ST6GAL1: variants seen among roughly 807,000 people sequenced by gnomAD.
ST6GAL1 encodes beta-galactoside alpha-2,6-sialyltransferase 1.
Under a neutral mutation model 38.0 loss-of-function variants are expected in ST6GAL1, and 20 were observed. The observed-to-expected ratio is 0.53, with a 90% CI of 0.37 to 0.77. The LOEUF (loss-of-function observed/expected upper bound fraction) is 0.77, where lower values mean the gene tolerates loss of function less well. Among genes scored for constraint, ST6GAL1 ranks in the 30% least tolerant of loss-of-function variants. The pLI is 0.00. For missense variants in ST6GAL1, 432 were observed against 496.4 expected (o/e 0.87, Z 1.23); for synonymous variants, 196 against 188.2 (o/e 1.04, Z -0.34).
intron 2 of ST6GAL1, among the ~76,000 whole-genome samples, chr3:187,019,909 T>C (rs1002397766): frequency 5.3e-5 from 8 of 152,088 alleles, no homozygotes; most frequent in South Asian, 4.1e-4. Context: ...TTAGCAACTG[T>C]AGTTGGTGTG....
intron 1 of ST6GAL1, among the ~76,000 whole-genome samples, chr3:186,953,557 T>G (rs1158116911): frequency 6.6e-6 from 1 of 152,204 alleles, no homozygotes; most frequent in African/African-American, 2.4e-5. Flanking sequence ...CCTTCCTTGT[T>G]GCTGTTCAAT....
intron 2 of ST6GAL1, chr3:186,964,196 A>G (rs559866828): frequency 9.2e-5 from 14 of 152,222 alleles, no homozygotes; most frequent in Non-Finnish European, 1.9e-4. Flanking sequence ...GAATACATTT[A>G]TCCTCCAGGT....
At position 187,075,462 on chromosome 3, in the gene ST6GAL1, T is replaced by G. The variant is rs1719526897; in HGVS notation, c.980-100T>G. The stretch of plus-strand genomic sequence containing the variant: ...TAAATAGAAACTCCAGAGGGAAAGC[T>G]CTCCAAATTTGGGGTCATGAGCTGC... On this transcript the variant is annotated intron_variant, in intron 7 of 7. Transcript: ENST00000169298. This position sits in a 1 kb window ranked among gnomAD's most constrained non-coding sequence, Gnocchi z 4.1. 3 of 1,518,480 alleles carry G rather than the reference T, an allele frequency of 2.0e-6. No homozygotes were observed. The Admixed American group carries it at 5.9e-5, about 30-fold the overall frequency. 94.1% of individuals were successfully genotyped at this position (1,518,480 alleles called of 1,614,324 possible).
chr3:187,024,136 C>T (rs1717431932), intron 2 of ST6GAL1, among the ~76,000 whole-genome samples: 1 of 151,628 alleles, frequency 6.6e-6, no homozygotes, highest in Non-Finnish European at 1.5e-5. Context: ...GCTGTGTCAC[C>T]CAGGATGGAG....
intron 2 of ST6GAL1, among the ~76,000 whole-genome samples, chr3:187,016,061 G>A (rs999419956): frequency 6.6e-6 from 1 of 152,230 alleles, no homozygotes; most frequent in African/African-American, 2.4e-5. Context: ...TGCCTGGCAC[G>A]TGGGAACCCC....
rs755758446 is a variant in ST6GAL1, at chr3:187,042,727, A to G, written c.24A>G (p.Lys8=). 1.7e-5 allele frequency: 28 copies of G among 1,612,144 alleles called. No homozygotes were observed. In the Admixed American group the frequency reaches 2.8e-4, roughly 16 times the overall value. ...TTATGATTCACACCAACCTGAAGAA[A>G]AAGTTCAGCTGCTGCGTCCTGGTCT... MIHTNLK[K]KFSCCVLVFL... Residue 8 remains lysine, a synonymous_variant, in exon 4 of 8, where the codon AAA becomes AAG. Coordinates refer to ENST00000169298, the MANE Select transcript of ST6GAL1 (RefSeq NM_173216.2).
intron 2 of ST6GAL1, among the ~76,000 whole-genome samples, chr3:186,971,138 G>C (rs976512644): frequency 6.6e-6 from 1 of 152,208 alleles, no homozygotes; most frequent in Non-Finnish European, 1.5e-5. Flanking sequence ...ACCCAGCCTG[G>C]AGTGCAGTGG....
In ST6GAL1 at chr3:186,952,844, C is replaced by T. The variant is rs1714629020; in HGVS notation, c.-324-10941C>T. Among the ~76,000 whole-genome samples, 1 of 152,158 alleles carries T rather than the reference C, an allele frequency of 6.6e-6. No individual in the cohort carries two copies. Among genetic ancestry groups the T allele is most frequent in the Non-Finnish European group, 1.5e-5 (1 of 68,026 alleles). On this transcript the variant is annotated intron_variant, in intron 1 of 7. Transcript: ENST00000169298. This position sits in a 1 kb window ranked among gnomAD's most constrained non-coding sequence, Gnocchi z 4.1. The stretch of plus-strand genomic sequence containing the variant: ...TAATATACATCTCAAATATGACAAG[C>T]CCAAAATCGAACTGCTGCTTTTCTC...
At chr3:187,018,963 G>A (rs1197609460) in intron 2 of ST6GAL1, among the ~76,000 whole-genome samples, 1 of 152,124 alleles carries the variant, frequency 6.6e-6, no homozygotes, top group Non-Finnish European at 1.5e-5. Context: ...GCAAACCTGC[G>A]CAGCCAAGAA....
intron 5 of ST6GAL1, among the ~76,000 whole-genome samples, chr3:187,052,303 T>G (rs1718542446): frequency 6.6e-6 from 1 of 152,228 alleles, no homozygotes; most frequent in Non-Finnish European, 1.5e-5. Context: ...AAGAAACTTT[T>G]TTTTAAAATT....
At chr3:186,990,620 T>C (rs1215658331) in intron 2 of ST6GAL1, among the ~76,000 whole-genome samples, 1 of 150,262 alleles carries the variant, frequency 6.7e-6, no homozygotes, top group East Asian at 2.0e-4. Context: ...CATCCCTCCC[T>C]CTTAGACCAA....
Position 187,075,572 on chromosome 3 carries a change from C to A in ST6GAL1, c.990C>A (p.Ile330=). Residue 330 remains isoleucine, a synonymous_variant, in exon 8 of 8, where the codon ATC becomes ATA. Transcript: ENST00000169298. The surrounding 1 kb of genome is among the most constrained non-coding windows in gnomAD (Gnocchi z 4.1). ...PPSSGMLGII[I]MMTLCDQVDI... ...TGCTCCCCTCTCCAGGTATCATCATCATGATGACGCTGTGTGACCAGGTGG... is the reference window on the plus strand; with the variant it reads ...TGCTCCCCTCTCCAGGTATCATCATAATGATGACGCTGTGTGACCAGGTGG... The A allele has an allele frequency of 6.2e-7, 1 of 1,614,160 alleles. No homozygotes were observed. The highest frequency in any genetic ancestry group is 1.3e-5 in the African/African-American group (1 of 75,062).
At chr3:186,988,083 G>A (rs1375497400) in intron 2 of ST6GAL1, among the ~76,000 whole-genome samples, 3 of 152,150 alleles carry the variant, frequency 2.0e-5, no homozygotes, top group African/African-American at 7.2e-5. Flanking sequence ...CTCCTCAGTG[G>A]TCAGGCATTT....
intron 2 of ST6GAL1, among the ~76,000 whole-genome samples, chr3:186,998,633 A>ATTT (rs1352605078): frequency 6.6e-6 from 1 of 152,140 alleles, no homozygotes; most frequent in African/African-American, 2.4e-5. Flanking sequence ...TCTGCATATA[A>ATTT]ATGGAACTGT....
At chr3:187,032,759 T>C (rs1387953474) in intron 2 of ST6GAL1, among the ~76,000 whole-genome samples, 1 of 152,176 alleles carries the variant, frequency 6.6e-6, no homozygotes, top group East Asian at 1.9e-4. Context: ...AAAACCGTCC[T>C]TCTTTGAGCT....
chr3:187,066,601 C>CGTGCGT (rs1553836653), intron 5 of ST6GAL1, among the ~76,000 whole-genome samples: 10 of 148,728 alleles, frequency 6.7e-5, no homozygotes, highest in South Asian at 2.2e-4. Flanking sequence ...TGCGTGCGTG[C>CGTGCGT]GTGTGTGTGT....
intron 2 of ST6GAL1, among the ~76,000 whole-genome samples, chr3:186,990,859 C>G (rs1246009961): frequency 6.6e-6 from 1 of 151,942 alleles, no homozygotes; most frequent in East Asian, 1.9e-4. Context: ...TGGCATTACC[C>G]AGGAGCAGCT....
At chr3:186,948,698 A>C in intron 1 of ST6GAL1, 1 of 152,754 alleles carries the variant, frequency 6.5e-6, no homozygotes, top group East Asian at 1.9e-4. Context: ...AGCTCCAGCC[A>C]GCCTCAGTTC....
chr3:187,001,544 C>T (rs1311833301), intron 2 of ST6GAL1, among the ~76,000 whole-genome samples: 1 of 152,194 alleles, frequency 6.6e-6, no homozygotes, highest in Admixed American at 6.5e-5. Flanking sequence ...TTCTGGACTT[C>T]AGCTTCATCT....
Sources: gnomAD v4.1 joint callset for allele counts (sites outside exome capture counted in the v4.1 genomes callset) on GRCh38, gnomAD v4.1.1 for gene constraint, Gnocchi (gnomAD v3.1) non-coding constraint, MANE v1.5 for transcripts, NCBI Gene and HGNC (gene_info 2026-07-23, HGNC 2026-07-21) for gene names.